The following NEGR1 variants were observed in gnomAD, a reference collection of about 807,000 sequenced individuals.
The protein encoded by NEGR1 is neuronal growth regulator 1.
A neutral mutation model predicts 40.9 loss-of-function variants in NEGR1; 10 were observed. The observed-to-expected ratio is 0.24, with a 90% confidence interval of 0.15 to 0.42. The LOEUF (loss-of-function observed/expected upper bound fraction) is 0.42, where lower values mean the gene tolerates loss of function less well. NEGR1 is among the 10% of genes least tolerant of loss of function. NEGR1 has a pLI of 1.00. For synonymous variants in NEGR1, 185 were observed against 166.8 expected, an observed-to-expected ratio of 1.11 and a Z score of -0.84; for missense variants, 352 against 438.9, an observed-to-expected ratio of 0.80 and a Z score of 1.77.
At chr1:71,742,363 C>T (rs963139690) in intron 3 of NEGR1, among the ~76,000 whole-genome samples, 3 of 152,196 alleles carry the variant, frequency 2.0e-5, no homozygotes, top group African/African-American at 7.2e-5. Context: ...GGATAACTGC[C>T]CCAGTGGGTG....
At chr1:71,425,967 A>G (rs527554736) in intron 6 of NEGR1, among the ~76,000 whole-genome samples, 1 of 152,220 alleles carries the variant, frequency 6.6e-6, no homozygotes, top group Non-Finnish European at 1.5e-5. Context: ...TTTCCCAGCA[A>G]TCACACTCCT....
intron 1 of NEGR1, among the ~76,000 whole-genome samples, chr1:72,039,907 T>C (rs1361518984): frequency 6.6e-6 from 1 of 151,978 alleles, no homozygotes; most frequent in African/African-American, 2.4e-5. Flanking sequence ...TCTGATGATA[T>C]AGAAAGCTGG....
At chr1:71,899,705 C>A (rs1018015146) in intron 2 of NEGR1, among the ~76,000 whole-genome samples, 5 of 152,042 alleles carry the variant, frequency 3.3e-5, no homozygotes, top group African/African-American at 1.2e-4. Context: ...AATCAAAAGT[C>A]TTCTTATTTA....
At chr1:71,958,975 A>G (rs1405904850) in intron 1 of NEGR1, among the ~76,000 whole-genome samples, 2 of 151,586 alleles carry the variant, frequency 1.3e-5, no homozygotes, top group African/African-American at 4.8e-5. Flanking sequence ...AAAAGACACC[A>G]AACTTCTCAA....
chr1:72,268,868 G>T (rs760594359), intron 1 of NEGR1, among the ~76,000 whole-genome samples: 30 of 151,144 alleles, frequency 2.0e-4, no homozygotes, highest in East Asian at 1.9e-4. Context: ...CGCGAAGAAG[G>T]AGCTAGAAAT....
intron 6 of NEGR1, chr1:71,573,560 C>T (rs1453024282): frequency 1.3e-5 from 2 of 152,134 alleles, no homozygotes; most frequent in African/African-American, 4.8e-5. Context: ...AATAAAATGA[C>T]TTCTGACTTT....
At chr1:72,177,750 A>G (rs1472939870) in intron 1 of NEGR1, among the ~76,000 whole-genome samples, 2 of 149,188 alleles carry the variant, frequency 1.3e-5, no homozygotes, top group East Asian at 3.9e-4. Context: ...ACGTAATTAT[A>G]GAACACATAT....
chr1:72,273,175 C>G (rs967346544), intron 1 of NEGR1, among the ~76,000 whole-genome samples: 2 of 151,932 alleles, frequency 1.3e-5, no homozygotes. Flanking sequence ...GCTGACCTAC[C>G]TCTAGGAGAT....
At chr1:71,610,389 G>A (rs1256283530) in intron 5 of NEGR1, among the ~76,000 whole-genome samples, 1 of 152,154 alleles carries the variant, frequency 6.6e-6, no homozygotes, top group Non-Finnish European at 1.5e-5. Flanking sequence ...AAAGTAAAGA[G>A]AAAGTTGTCA....
In NEGR1 at chr1:71,672,834, T is replaced by A. The variant is rs551658611; in HGVS notation, c.667+25174A>T. 9.2e-5 allele frequency among the ~76,000 whole-genome samples: 14 copies of A among 152,186 alleles called. No homozygotes were observed. The East Asian group carries it at 2.1e-3, about 23-fold the overall frequency. The stretch of plus-strand genomic sequence containing the variant: ...CTAACAGATCATGAATGAGCTAGGA[T>A]GAGAGTATGTTAAATTGGGAATTAA... On this transcript the variant is annotated intron_variant, in intron 4 of 6. Coordinates refer to ENST00000357731, the MANE Select transcript of NEGR1 (RefSeq NM_173808.3).
At chr1:71,776,962 G>A (rs532528064) in intron 2 of NEGR1, among the ~76,000 whole-genome samples, 1 of 152,174 alleles carries the variant, frequency 6.6e-6, no homozygotes, top group South Asian at 2.1e-4. Context: ...CTCATCCTTT[G>A]TTATGCCCTT....
rs995647253 is a variant in NEGR1, at chr1:71,398,462, T to G, written c.*8984A>C. Reference sequence around the variant, plus strand: ...GGAGATCATTTTGGAGCTTTAAGACTTGACCGCCCCTGTAGTCCCTTTGTT... The same window carrying G: ...GGAGATCATTTTGGAGCTTTAAGACGTGACCGCCCCTGTAGTCCCTTTGTT... On this transcript the variant is annotated 3_prime_UTR_variant, in exon 7 of 7. Transcript: ENST00000357731. 2 of 153,108 alleles carry G rather than the reference T, an allele frequency of 1.3e-5. No individual in the cohort carries two copies. The highest frequency in any genetic ancestry group is 2.4e-5 in the African/African-American group (1 of 41,486). 9.5% of individuals were successfully genotyped at this position (153,108 alleles called of 1,614,324 possible).
chr1:72,126,385 T>C (rs1336385456), intron 1 of NEGR1, among the ~76,000 whole-genome samples: 2 of 151,806 alleles, frequency 1.3e-5, no homozygotes, highest in African/African-American at 2.4e-5. Flanking sequence ...TCTAGATGGA[T>C]ACGTATTATT....
intron 1 of NEGR1, among the ~76,000 whole-genome samples, chr1:72,032,543 C>T (rs998752168): frequency 1.2e-4 from 18 of 152,158 alleles, no homozygotes; most frequent in Non-Finnish European, 2.2e-4. Flanking sequence ...AATGGGATAT[C>T]AGGACCCAAG....
intron 3 of NEGR1, among the ~76,000 whole-genome samples, chr1:71,756,625 A>G (rs1190157137): frequency 6.6e-6 from 1 of 152,052 alleles, no homozygotes. Flanking sequence ...CTTCTCTTCA[A>G]CTGGTTCTTT....
At chr1:71,434,760 T>G (rs1384899632) in intron 6 of NEGR1, among the ~76,000 whole-genome samples, 2 of 152,162 alleles carry the variant, frequency 1.3e-5, no homozygotes, top group Non-Finnish European at 2.9e-5. Flanking sequence ...TCAAGACAAA[T>G]AATCCAGTGT....
chr1:71,771,059 C>T (rs568251898), intron 3 of NEGR1, among the ~76,000 whole-genome samples: 3 of 152,230 alleles, frequency 2.0e-5, no homozygotes, highest in South Asian at 4.2e-4. Flanking sequence ...CCCAAATGCC[C>T]ATCAATGATA....
intron 1 of NEGR1, among the ~76,000 whole-genome samples, chr1:72,186,981 C>T (rs2100422100): frequency 6.6e-6 from 1 of 151,652 alleles, no homozygotes; most frequent in Admixed American, 6.6e-5. Flanking sequence ...TTTTTCTCTT[C>T]AAAAGGGGGA....
intron 1 of NEGR1, among the ~76,000 whole-genome samples, chr1:72,059,343 C>CT (rs1279328005): frequency 6.6e-6 from 1 of 151,524 alleles, no homozygotes; most frequent in African/African-American, 2.4e-5. Context: ...GACCCTCCTT[C>CT]TTTTTAAAAA....
Sources: allele counts gnomAD v4.1 joint callset (sites outside exome capture counted in the v4.1 genomes callset), GRCh38; gene constraint gnomAD v4.1.1; transcripts MANE v1.5; gene names NCBI Gene and HGNC (gene_info 2026-07-23, HGNC 2026-07-21).